Variants in FRMD3 observed in about 807,000 individuals in gnomAD.
FRMD3 encodes the protein FERM domain containing 3, also known as FERM domain-containing protein 3.
FRMD3 carries 33 observed loss-of-function variants against 70.2 expected under a neutral mutation model. That is an observed-to-expected ratio of 0.47 (90% CI 0.36 to 0.63). The LOEUF (loss-of-function observed/expected upper bound fraction) is 0.63. Ranked by LOEUF, FRMD3 falls within the 20% of genes least tolerant of loss-of-function variation. The pLI is 0.00. For missense variants in FRMD3, 632 were observed against 711.4 expected (o/e 0.89, Z 1.27); for synonymous variants, 279 against 255.9 (o/e 1.09, Z -0.86).
intron 1 of FRMD3, among the ~76,000 whole-genome samples, chr9:83,529,372 T>C (rs1829748570): frequency 6.6e-6 from 1 of 152,234 alleles, no homozygotes; most frequent in Non-Finnish European, 1.5e-5. Context: ...GATACAGATT[T>C]ATTCTGGGGT....
At chr9:83,379,144 C>T (rs538776864) in intron 2 of FRMD3, among the ~76,000 whole-genome samples, 1 of 152,000 alleles carries the variant, frequency 6.6e-6, no homozygotes, top group Non-Finnish European at 1.5e-5. Flanking sequence ...TGCCTCTCTC[C>T]TCATCCCCTT....
chr9:83,411,657 G>T (rs550228123), intron 1 of FRMD3, among the ~76,000 whole-genome samples: 1 of 152,212 alleles, frequency 6.6e-6, no homozygotes, highest in East Asian at 1.9e-4. Flanking sequence ...ACAAACCCGA[G>T]TCTCTTCATT....
chr9:83,554,041 A>T, the FRMD3 span, among the ~76,000 whole-genome samples: 53 of 152,200 alleles, frequency 3.5e-4, no homozygotes, highest in Admixed American at 2.7e-3. Flanking sequence ...TCTTTTCTGA[A>T]TGTTTTCACT....
At chr9:83,324,046 C>T (rs1172698111) in intron 6 of FRMD3, among the ~76,000 whole-genome samples, 1 of 152,132 alleles carries the variant, frequency 6.6e-6, no homozygotes, top group Non-Finnish European at 1.5e-5. Flanking sequence ...CCCAAATGTT[C>T]ATCAACAGGA....
Position 83,290,506 on chromosome 9 carries a change from C to T in FRMD3, c.1195+97G>A, listed in dbSNP as rs993016585. 8 of 1,387,534 alleles carry T rather than the reference C, an allele frequency of 5.8e-6. No homozygotes were observed. The African/African-American group carries it at 9.9e-5, about 17-fold the overall frequency. 86.0% of individuals were successfully genotyped at this position (1,387,534 alleles called of 1,614,324 possible). A position where few individuals can be genotyped will look rare whatever the true frequency, so the allele number is the denominator to read the frequency against. On this transcript the variant is annotated intron_variant, in intron 13 of 13. Coordinates refer to ENST00000304195, the MANE Select transcript of FRMD3 (RefSeq NM_174938.6). ...TTTATGGCCCACTCCACCCCATACACTAATCAATTACCCATCATATGCAGA... is the reference window on the plus strand; with the variant it reads ...TTTATGGCCCACTCCACCCCATACATTAATCAATTACCCATCATATGCAGA...
At chr9:83,474,855 T>C (rs1451023629) in intron 1 of FRMD3, among the ~76,000 whole-genome samples, 1 of 151,824 alleles carries the variant, frequency 6.6e-6, no homozygotes, top group Non-Finnish European at 1.5e-5. Flanking sequence ...AGAGGGATGA[T>C]AAACTAAGCA....
chr9:83,493,264 G>A (rs1247146239), intron 1 of FRMD3, among the ~76,000 whole-genome samples: 1 of 152,188 alleles, frequency 6.6e-6, no homozygotes, highest in South Asian at 2.1e-4. Flanking sequence ...CTGCAGGGAG[G>A]TGGCTGGCCC....
intron 1 of FRMD3, among the ~76,000 whole-genome samples, chr9:83,440,924 G>A (rs1827275251): frequency 6.6e-6 from 1 of 152,226 alleles, no homozygotes; most frequent in Non-Finnish European, 1.5e-5. Context: ...ACGGAATTGT[G>A]CTTTCCAGCT....
the FRMD3 span, among the ~76,000 whole-genome samples, chr9:83,585,700 T>C: frequency 7.9e-5 from 12 of 152,344 alleles, no homozygotes; most frequent in African/African-American, 2.9e-4. Flanking sequence ...TCCACAGAAC[T>C]TTCTACTTTC....
chr9:83,483,340 T>C (rs1016640738), intron 1 of FRMD3, among the ~76,000 whole-genome samples: 4 of 152,190 alleles, frequency 2.6e-5, no homozygotes, highest in African/African-American at 9.7e-5. Flanking sequence ...GCCTGCAGAA[T>C]TGTGAGTCAA....
intron 1 of FRMD3, among the ~76,000 whole-genome samples, chr9:83,449,790 T>C (rs549316666): frequency 1.3e-5 from 2 of 152,292 alleles, no homozygotes; most frequent in East Asian, 3.9e-4. Flanking sequence ...ATTCAGGAAT[T>C]GAAAGTTGGA....
intron 3 of FRMD3, among the ~76,000 whole-genome samples, chr9:83,358,480 T>C (rs1265361995): frequency 6.6e-6 from 1 of 152,108 alleles, no homozygotes; most frequent in Non-Finnish European, 1.5e-5. Context: ...ATGATGGTGG[T>C]ATTTTGACGG....
At chr9:83,369,410 T>C (rs1824896725) in intron 3 of FRMD3, among the ~76,000 whole-genome samples, 1 of 151,862 alleles carries the variant, frequency 6.6e-6, no homozygotes, top group Non-Finnish European at 1.5e-5. Context: ...ACCCTGTCTC[T>C]ACTAAAAATA....
the FRMD3 span, among the ~76,000 whole-genome samples, chr9:83,561,146 T>C: frequency 6.6e-6 from 1 of 152,248 alleles, no homozygotes; most frequent in African/African-American, 2.4e-5. Flanking sequence ...AGCTACACCA[T>C]ATCTTTTTAA....
chr9:83,520,742 T>G (rs1422426402), intron 1 of FRMD3, among the ~76,000 whole-genome samples: 2 of 152,072 alleles, frequency 1.3e-5, no homozygotes, highest in Non-Finnish European at 2.9e-5. Flanking sequence ...GTTCGATACT[T>G]ATTTCCTGGA....
intron 1 of FRMD3, among the ~76,000 whole-genome samples, chr9:83,485,767 A>G (rs1828673768): frequency 6.6e-6 from 1 of 152,080 alleles, no homozygotes; most frequent in Non-Finnish European, 1.5e-5. Context: ...CCAACTTTCA[A>G]CTCCATTCAG....
chr9:83,423,748 C>T (rs1042782340), intron 1 of FRMD3, among the ~76,000 whole-genome samples: 4 of 151,958 alleles, frequency 2.6e-5, no homozygotes, highest in African/African-American at 7.3e-5. Flanking sequence ...AGGCTTGTGT[C>T]ACCATGCCCA....
chr9:83,356,558 G>A (rs1026996128), intron 3 of FRMD3, among the ~76,000 whole-genome samples: 4 of 151,320 alleles, frequency 2.6e-5, no homozygotes, highest in Non-Finnish European at 5.9e-5. Flanking sequence ...TTACAGGGGT[G>A]AGCCACCGCG....
At chr9:83,307,240 C>T (rs1490988575) in intron 10 of FRMD3, among the ~76,000 whole-genome samples, 1 of 152,136 alleles carries the variant, frequency 6.6e-6, no homozygotes, top group Non-Finnish European at 1.5e-5. Context: ...GTTCCAAAAG[C>T]TTAGGCACTG....
Sources: allele counts gnomAD v4.1 joint callset (sites outside exome capture counted in the v4.1 genomes callset), GRCh38; gene constraint gnomAD v4.1.1; transcripts MANE v1.5; gene names NCBI Gene and HGNC (gene_info 2026-07-23, HGNC 2026-07-21).